DOCK1: variants seen among roughly 807,000 people sequenced by gnomAD.
DOCK1 encodes the protein dedicator of cytokinesis protein 1.
A neutral mutation model predicts 262.7 loss-of-function variants in DOCK1; 138 were observed. The ratio of observed to expected loss-of-function variants is 0.53; its 90% CI spans 0.46 to 0.61. The LOEUF (loss-of-function observed/expected upper bound fraction) is 0.61, where lower values mean the gene tolerates loss of function less well. Among genes scored for constraint, DOCK1 ranks in the 20% least tolerant of loss-of-function variants. The probability of loss-of-function intolerance (pLI) is 0.00; values close to 1 mark genes in which losing one functional copy is unlikely to be tolerated. For missense variants in DOCK1, 1,908 were observed against 2,370.7 expected (o/e 0.80, Z 4.05); for synonymous variants, 866 against 867.4 (o/e 1.00, Z 0.03).
At chr10:127,075,010 A>T (rs2046431123) in intron 23 of DOCK1, among the ~76,000 whole-genome samples, 1 of 151,780 alleles carries the variant, frequency 6.6e-6, no homozygotes, top group Admixed American at 6.6e-5. Flanking sequence ...TCTCTACTAA[A>T]AATACGGAAT....
At chr10:127,444,084 A>T in intron 49 of DOCK1, 42 bp from the exon 50 acceptor site, 1 of 1,550,154 alleles carries the variant, frequency 6.5e-7, no homozygotes, top group Non-Finnish European at 8.7e-7. Flanking sequence ...AACTCAGCCC[A>T]TAACAGACCG....
intron 13 of DOCK1, among the ~76,000 whole-genome samples, chr10:127,022,949 C>G (rs1367850637): frequency 1.3e-5 from 2 of 152,118 alleles, no homozygotes; most frequent in South Asian, 4.1e-4. Context: ...GTAGAGTGTC[C>G]TCTGCCCAGA....
chr10:126,969,783 C>T lies in DOCK1; in HGVS notation c.47-919C>T, dbSNP rs575463532. On this transcript the variant is annotated intron_variant, in intron 1 of 51. Coordinates refer to ENST00000623213, the MANE Select transcript of DOCK1 (RefSeq NM_001290223.2). The stretch of plus-strand genomic sequence containing the variant: ...TGGTGGGAAGGTACGGTGGCCCGTG[C>T]TTGCCAGAGGAGTTTGCACATGACA... 6.6e-5 allele frequency among the ~76,000 whole-genome samples: 10 copies of T among 152,152 alleles called. No homozygotes were observed. In the South Asian group the frequency reaches 2.1e-3, roughly 32 times the overall value.
intron 23 of DOCK1, among the ~76,000 whole-genome samples, chr10:127,104,213 G>C (rs1029322087): frequency 2.0e-5 from 3 of 152,138 alleles, no homozygotes; most frequent in Non-Finnish European, 4.4e-5. Flanking sequence ...TTTTCTCCCT[G>C]TGTAGTTCAT....
Position 126,952,670 on chromosome 10 carries a change from GTAT to G in DOCK1, c.47-18030_47-18028del, listed in dbSNP as rs1390428228. On this transcript the variant is annotated intron_variant, in intron 1 of 51. Coordinates refer to ENST00000623213, the MANE Select transcript of DOCK1 (RefSeq NM_001290223.2). ...AGTGTTGGTGATGTTGTTATTGGTA[GTAT>G]TGTTGTTGTTGGTAGTATTGTTGGT... is the stretch of plus-strand genomic sequence containing the variant. Among the ~76,000 whole-genome samples, 617 of 147,980 alleles carry G rather than the reference GTAT, an allele frequency of 4.2e-3. 10 individuals are homozygous for G. Among genetic ancestry groups the G allele is most frequent in the African/African-American group, 0.01 (406 of 39,048 alleles).
intron 29 of DOCK1, among the ~76,000 whole-genome samples, chr10:127,315,341 A>C (rs1319036611): frequency 6.6e-6 from 1 of 152,190 alleles, no homozygotes; most frequent in Admixed American, 6.5e-5. Flanking sequence ...ACCCTTAAAA[A>C]GGTAATTAAG....
intron 1 of DOCK1, among the ~76,000 whole-genome samples, chr10:126,958,129 G>A (rs1225890782): frequency 5.9e-5 from 9 of 152,144 alleles, no homozygotes; most frequent in Non-Finnish European, 7.3e-5. Context: ...TGTACACGGC[G>A]TATAGAATTA....
At chr10:127,021,234 C>T (rs1349769569) in intron 13 of DOCK1, among the ~76,000 whole-genome samples, 1 of 152,188 alleles carries the variant, frequency 6.6e-6, no homozygotes, top group Non-Finnish European at 1.5e-5. Context: ...AGCACGATCT[C>T]AGCTCACCGC....
At chr10:127,011,047 A>C (rs1469022418) in intron 11 of DOCK1, among the ~76,000 whole-genome samples, 1 of 152,206 alleles carries the variant, frequency 6.6e-6, no homozygotes, top group Non-Finnish European at 1.5e-5. Flanking sequence ...GTTGTTTGAG[A>C]TTGCCTGTGC....
In DOCK1 at chr10:127,138,026, A is replaced by G. The variant is rs759426927; in HGVS notation, c.2847+10262A>G. ...GCTTAAAATCCAGCTCCACACTAGA[A>G]AAGAGAGAGAGTGAAGACTTTAGCA... On this transcript the variant is annotated intron_variant, in intron 27 of 51. Coordinates refer to ENST00000623213, the MANE Select transcript of DOCK1 (RefSeq NM_001290223.2). The G allele has an allele frequency of 5.0e-6, 8 of 1,600,872 alleles. No individual in the cohort carries two copies. In the East Asian group the frequency reaches 1.8e-4, roughly 36 times the overall value.
chr10:127,099,896 G>T (rs553355375), intron 23 of DOCK1, among the ~76,000 whole-genome samples: 1 of 152,328 alleles, frequency 6.6e-6, no homozygotes, highest in South Asian at 2.1e-4. Flanking sequence ...TGTGTTTGGG[G>T]TGGACTTGGG....
chr10:127,285,796 C>T (rs1406851401), intron 29 of DOCK1, among the ~76,000 whole-genome samples: 1 of 152,176 alleles, frequency 6.6e-6, no homozygotes, highest in African/African-American at 2.4e-5. Flanking sequence ...ACAGTCTAAC[C>T]CTCCTGCTTG....
intron 27 of DOCK1, among the ~76,000 whole-genome samples, chr10:127,153,683 A>G (rs2052734124): frequency 6.6e-6 from 1 of 152,156 alleles, no homozygotes; most frequent in African/African-American, 2.4e-5. Flanking sequence ...ACGGTTCTAT[A>G]CTTGGGGTGG....
intron 23 of DOCK1, among the ~76,000 whole-genome samples, chr10:127,094,981 G>T (rs1352657984): frequency 6.6e-6 from 1 of 152,214 alleles, no homozygotes; most frequent in Non-Finnish European, 1.5e-5. Context: ...CCCTCTCCAT[G>T]AGCCACTTTA....
chr10:127,289,720 C>G (rs1240242868), intron 29 of DOCK1, among the ~76,000 whole-genome samples: 1 of 152,002 alleles, frequency 6.6e-6, no homozygotes, highest in Non-Finnish European at 1.5e-5. Flanking sequence ...TGGTTTGTTT[C>G]TATACTGCTT....
chr10:127,442,789 C>T (rs1035073783), intron 49 of DOCK1, among the ~76,000 whole-genome samples: 1 of 152,204 alleles, frequency 6.6e-6, no homozygotes, highest in African/African-American at 2.4e-5. Context: ...ATGGAACAGG[C>T]CATTGATTTT....
chr10:127,451,415 G>C lies in DOCK1; in HGVS notation c.5649G>C (p.Gly1883=), dbSNP rs2070962295. Residue 1883 remains glycine (G), a synonymous_variant, in exon 52 of 52, where the codon GGG becomes GGC. Transcript: ENST00000623213. ...TTRKQASVDS[G]IVQ ...GCAAGCAGGCATCGGTGGACTCCGGGATCGTGCAGTGACGTCGCAAGCCTC... is the reference window on the plus strand; with the variant it reads ...GCAAGCAGGCATCGGTGGACTCCGGCATCGTGCAGTGACGTCGCAAGCCTC... The C allele has an allele frequency of 6.3e-7, 1 of 1,581,432 alleles. No individual in the cohort carries two copies. The highest frequency in any genetic ancestry group is 1.4e-5 in the African/African-American group (1 of 73,982).
At chr10:127,172,924 T>C (rs904984094) in intron 27 of DOCK1, among the ~76,000 whole-genome samples, 7 of 152,204 alleles carry the variant, frequency 4.6e-5, no homozygotes, top group Admixed American at 1.3e-4. Flanking sequence ...ATTTGAAATG[T>C]GACTGCTGTG....
intron 33 of DOCK1, among the ~76,000 whole-genome samples, chr10:127,365,414 C>T (rs1041568851): frequency 1.3e-5 from 2 of 152,158 alleles, no homozygotes; most frequent in African/African-American, 4.8e-5. Context: ...GTTTCACTGC[C>T]AACTCATTGG....
Sources: gnomAD v4.1 joint callset for allele counts (sites outside exome capture counted in the v4.1 genomes callset) on GRCh38, gnomAD v4.1.1 for gene constraint, MANE v1.5 for transcripts, NCBI Gene and HGNC (gene_info 2026-07-23, HGNC 2026-07-21) for gene names.